Variants in CSPP1 observed in about 807,000 individuals in gnomAD.
CSPP1 encodes the protein centrosome and spindle pole-associated protein 1.
A neutral mutation model predicts 164.4 loss-of-function variants in CSPP1; 126 were observed. The ratio of observed to expected loss-of-function variants is 0.77; its 90% CI spans 0.66 to 0.89. The LOEUF is 0.89. Ranked by LOEUF, CSPP1 falls within the 40% of genes least tolerant of loss-of-function variation. The probability of loss-of-function intolerance (pLI) is 0.00; values close to 1 mark genes in which losing one functional copy is unlikely to be tolerated. For missense variants in CSPP1, 1,395 were observed against 1,449.8 expected, an observed-to-expected ratio of 0.96 and a Z score of 0.61; for synonymous variants, 472 against 476.7, an observed-to-expected ratio of 0.99 and a Z score of 0.13.
At chr8:67,118,964 A>G (rs1015538363) in intron 15 of CSPP1, 143 bp downstream of exon 15, 5 of 629,186 alleles carry the variant, frequency 7.9e-6, no homozygotes, top group African/African-American at 5.5e-5. Flanking sequence ...CATCACCACA[A>G]TCCATCTTCA....
chr8:67,192,500 C>CT (rs1836648118), intron 29 of CSPP1, among the ~76,000 whole-genome samples: 1 of 152,114 alleles, frequency 6.6e-6, no homozygotes, highest in Admixed American at 6.5e-5. Context: ...ATCTTTTTAA[C>CT]TTTCTTGATG....
chr8:67,174,709 G>A (rs1193501225), intron 25 of CSPP1: 1 of 152,156 alleles, frequency 6.6e-6, no homozygotes, highest in Non-Finnish European at 1.5e-5. Context: ...AGCTGGCAGT[G>A]AGCCAAGACC....
At chr8:67,165,138 A>T (rs1357747554) in intron 24 of CSPP1, among the ~76,000 whole-genome samples, 1 of 151,986 alleles carries the variant, frequency 6.6e-6, no homozygotes, top group East Asian at 1.9e-4. Context: ...CAAAAAATTA[A>T]CTGGGTGTGG....
chr8:67,179,509 G>T (rs573582850), intron 27 of CSPP1, among the ~76,000 whole-genome samples: 1 of 152,148 alleles, frequency 6.6e-6, no homozygotes, highest in Non-Finnish European at 1.5e-5. Context: ...ATGTTTAATT[G>T]GGGTCTTTGC....
chr8:67,172,005 A>G (rs1308827730), intron 24 of CSPP1, among the ~76,000 whole-genome samples: 1 of 149,992 alleles, frequency 6.7e-6, no homozygotes, highest in Non-Finnish European at 1.5e-5. Context: ...GCGCCATCAC[A>G]CCCAGCTAAT....
intron 21 of CSPP1, among the ~76,000 whole-genome samples, chr8:67,159,385 A>G (rs997816210): frequency 1.3e-5 from 2 of 151,768 alleles, no homozygotes; most frequent in Non-Finnish European, 2.9e-5. Flanking sequence ...TCTCATTCCC[A>G]TGGTGTATGC....
intron 15 of CSPP1, among the ~76,000 whole-genome samples, chr8:67,122,350 G>A (rs1267134805): frequency 6.6e-6 from 1 of 151,894 alleles, no homozygotes; most frequent in Non-Finnish European, 1.5e-5. Context: ...CTTTCCCTTT[G>A]TTTGGTATGT....
At chr8:67,098,417 C>T (rs1232390688) in intron 7 of CSPP1, among the ~76,000 whole-genome samples, 2 of 150,084 alleles carry the variant, frequency 1.3e-5, no homozygotes, top group African/African-American at 2.4e-5. Context: ...TTTTCATATA[C>T]CATAATTATT....
At chr8:67,130,476 G>A (rs1308843810) in intron 15 of CSPP1, among the ~76,000 whole-genome samples, 3 of 152,110 alleles carry the variant, frequency 2.0e-5, no homozygotes, top group African/African-American at 7.2e-5. Flanking sequence ...TTTACACAAA[G>A]AGCCCCCTTG....
At chr8:67,089,822 A>AT (rs769496106) in intron 4 of CSPP1, among the ~76,000 whole-genome samples, 8 of 151,770 alleles carry the variant, frequency 5.3e-5, no homozygotes, top group Admixed American at 2.6e-4. Flanking sequence ...AGACAGGGTA[A>AT]TAAAAAAAAG....
At chr8:67,192,998 TGA>T (rs1491546419) in intron 29 of CSPP1, among the ~76,000 whole-genome samples, 2 of 152,180 alleles carry the variant, frequency 1.3e-5, no homozygotes, top group African/African-American at 2.4e-5. Flanking sequence ...TCCTTATCCT[TGA>T]GAGTCATCTG....
intron 28 of CSPP1, among the ~76,000 whole-genome samples, chr8:67,188,110 G>T (rs940596162): frequency 2.0e-5 from 3 of 152,170 alleles, no homozygotes; most frequent in African/African-American, 4.8e-5. Context: ...GACAGAGACT[G>T]TAAGAAATTA....
At chr8:67,164,540 T>C (rs201845654) in intron 24 of CSPP1, 32 bp downstream of exon 24, 11 of 1,006,596 alleles carry the variant, frequency 1.1e-5, no homozygotes, top group African/African-American at 1.6e-5. Flanking sequence ...TTGTGTTCGC[T>C]TGAGTTCTTT....
At chr8:67,117,357 A>C (rs1031863321) in intron 13 of CSPP1, among the ~76,000 whole-genome samples, 1 of 152,180 alleles carries the variant, frequency 6.6e-6, no homozygotes, top group African/African-American at 2.4e-5. Context: ...ATTATTTTGA[A>C]GTATATGACA....
chr8:67,159,918 T>TCC (rs1827691888), intron 21 of CSPP1, among the ~76,000 whole-genome samples: 2 of 57,162 alleles, frequency 3.5e-5, no homozygotes, highest in East Asian at 4.8e-4. Flanking sequence ...CTTTCTTTCT[T>TCC]TCTTTCCTTT....
At chr8:67,112,642 A>G (rs1817099334) in intron 10 of CSPP1, among the ~76,000 whole-genome samples, 1 of 152,150 alleles carries the variant, frequency 6.6e-6, no homozygotes, top group East Asian at 1.9e-4. Flanking sequence ...TTAATGTTGG[A>G]TAAGTCCTCT....
chr8:67,176,811 C>G (rs1208419354), intron 26 of CSPP1, among the ~76,000 whole-genome samples: 1 of 152,130 alleles, frequency 6.6e-6, no homozygotes, highest in Non-Finnish European at 1.5e-5. Flanking sequence ...GTGGCTCACA[C>G]CTGTAATCCC....
chr8:67,193,564 G>GC lies in CSPP1; in HGVS notation c.3431_3432insC (p.Arg1145LysfsTer4). On this transcript the variant is annotated frameshift_variant, in exon 30 of 31. Transcript: ENST00000678616. LOFTEE classifies it high-confidence loss of function. Reference sequence around the variant, plus strand: ...AGAGTGAGAAATGAGGAACGAATGCGAAGACTGAATGAATTTCACAATAAA... The same window carrying GC: ...AGAGTGAGAAATGAGGAACGAATGCGCAAGACTGAATGAATTTCACAATAAA... 6.2e-7 allele frequency: 1 copy of GC among 1,613,748 alleles called. No homozygotes were observed. The highest frequency in any genetic ancestry group is 8.5e-7 in the Non-Finnish European group (1 of 1,179,690).
intron 26 of CSPP1, 169 bp downstream of exon 26, chr8:67,175,605 G>C: frequency 1.3e-6 from 1 of 773,590 alleles, no homozygotes; most frequent in Non-Finnish European, 2.3e-6. Flanking sequence ...GTATGAGAGA[G>C]AGCTCTGAGT....
Sources: gnomAD v4.1 joint callset for allele counts (sites outside exome capture counted in the v4.1 genomes callset) on GRCh38, gnomAD v4.1.1 for gene constraint, MANE v1.5 for transcripts, NCBI Gene and HGNC (gene_info 2026-07-23, HGNC 2026-07-21) for gene names.